Variants in DGKI observed in about 807,000 individuals in gnomAD.
DGKI encodes the protein diacylglycerol kinase iota, also known as DAG kinase iota.
A neutral mutation model predicts 147.5 loss-of-function variants in DGKI; 55 were observed. That is an observed-to-expected ratio of 0.37 (90% CI 0.30 to 0.47). The LOEUF (loss-of-function observed/expected upper bound fraction) is 0.47, where lower values mean the gene tolerates loss of function less well. Among genes scored for constraint, DGKI ranks in the 20% least tolerant of loss-of-function variants. The pLI is 1.00. For missense variants in DGKI, 1,007 were observed against 1,323.8 expected (o/e 0.76, Z 3.71); for synonymous variants, 469 against 477.1 (o/e 0.98, Z 0.22).
intron 28 of DGKI, among the ~76,000 whole-genome samples, chr7:137,427,772 C>T (rs1036303315): frequency 2.6e-5 from 4 of 152,190 alleles, no homozygotes; most frequent in African/African-American, 7.2e-5. Flanking sequence ...ACTACAAACA[C>T]CTCTACGCAA....
chr7:137,440,917 T>C (rs923460329), intron 28 of DGKI, among the ~76,000 whole-genome samples: 2 of 152,192 alleles, frequency 1.3e-5, no homozygotes, highest in African/African-American at 4.8e-5. Context: ...AAATGGTGTA[T>C]TAAACATTTT....
chr7:137,667,789 C>T (rs927257854), intron 3 of DGKI, among the ~76,000 whole-genome samples: 2 of 152,188 alleles, frequency 1.3e-5, no homozygotes, highest in East Asian at 3.8e-4. Flanking sequence ...GGAAGACCCA[C>T]AGACATCTCA....
chr7:137,558,964 C>T (rs1818318257), intron 19 of DGKI, among the ~76,000 whole-genome samples: 1 of 144,588 alleles, frequency 6.9e-6, no homozygotes, highest in Non-Finnish European at 1.5e-5. Context: ...AAAAATAATT[C>T]GATAAATTCA....
At chr7:137,841,518 A>C (rs544638606) in intron 1 of DGKI, among the ~76,000 whole-genome samples, 2 of 152,350 alleles carry the variant, frequency 1.3e-5, no homozygotes, top group East Asian at 3.9e-4. Context: ...CTACTGTCCC[A>C]AAACTAGTTA....
intron 21 of DGKI, among the ~76,000 whole-genome samples, chr7:137,509,960 A>T (rs1816522358): frequency 6.6e-6 from 1 of 152,186 alleles, no homozygotes; most frequent in Non-Finnish European, 1.5e-5. Context: ...AGAAAAAAAA[A>T]GGAGATGTTA....
chr7:137,636,128 G>A lies in DGKI; in HGVS notation c.804+9344C>T, dbSNP rs3778790. Among the ~76,000 whole-genome samples, 40 of 152,270 alleles carry A rather than the reference G, an allele frequency of 2.6e-4. No homozygotes were observed. In the East Asian group the frequency reaches 6.0e-3, roughly 23 times the overall value. ...AATACATCTGGTAACCAGGAAATCC[G>A]CTGGGACAGGCTTTGTAATGCTATG... On this transcript the variant is annotated intron_variant, in intron 6 of 32. Transcript: ENST00000614521.
intron 1 of DGKI, among the ~76,000 whole-genome samples, chr7:137,807,378 A>T (rs1797413554): frequency 6.6e-6 from 1 of 152,248 alleles, no homozygotes; most frequent in Admixed American, 6.5e-5. Context: ...AATGACATCT[A>T]GGTACATTTG....
intron 8 of DGKI, among the ~76,000 whole-genome samples, chr7:137,618,610 G>A (rs1488422884): frequency 6.6e-6 from 1 of 151,632 alleles, no homozygotes; most frequent in East Asian, 1.9e-4. Context: ...TAAAGCCTTG[G>A]AGAGATTACC....
chr7:137,566,015 A>AT (rs5887844), intron 19 of DGKI, among the ~76,000 whole-genome samples: 18,074 of 152,090 alleles, frequency 0.12, 2,497 homozygotes, highest in African/African-American at 0.33. Context: ...TGAATTTTCA[A>AT]TTTTTTGGAT....
intron 22 of DGKI, among the ~76,000 whole-genome samples, chr7:137,486,124 C>T (rs930067451): frequency 2.0e-5 from 3 of 152,116 alleles, no homozygotes; most frequent in African/African-American, 4.8e-5. Context: ...TGTCCTTACA[C>T]CTGTTTCCCA....
At chr7:137,589,339 A>G (rs1208340114) in intron 12 of DGKI, among the ~76,000 whole-genome samples, 1 of 152,240 alleles carries the variant, frequency 6.6e-6, no homozygotes, top group African/African-American at 2.4e-5. Context: ...AATTGTGTTC[A>G]TCTTCTAAAA....
rs1301022434 is a variant in DGKI, at chr7:137,619,920, G to A, written c.897C>T (p.Cys299=). The A allele has an allele frequency of 1.2e-6, 2 of 1,612,734 alleles. No homozygotes were observed. The highest frequency in any genetic ancestry group is 3.3e-5 in the Admixed American group (2 of 59,922). ...CKQAFHNKVT[C]FMLHHIEEPC... ...GTTCTTCAATGTGATGCAGCATGAAGCAGGTCACCTTATTGTGAAACTGAA... is the reference window on the plus strand; with the variant it reads ...GTTCTTCAATGTGATGCAGCATGAAACAGGTCACCTTATTGTGAAACTGAA... The change falls in exon 8 of 33, where the codon TGC becomes TGT. Residue 299 remains cysteine, a synonymous_variant. Transcript: ENST00000614521.
At chr7:137,515,866 G>A (rs1282360532) in intron 21 of DGKI, among the ~76,000 whole-genome samples, 1 of 151,964 alleles carries the variant, frequency 6.6e-6, no homozygotes, top group Non-Finnish European at 1.5e-5. Context: ...ATAAATATAA[G>A]AGACAGACAA....
intron 1 of DGKI, among the ~76,000 whole-genome samples, chr7:137,822,430 T>C (rs992945048): frequency 3.3e-5 from 5 of 151,994 alleles, no homozygotes; most frequent in African/African-American, 2.4e-5. Context: ...ATTATTATTA[T>C]TATTCAGCCT....
intron 12 of DGKI, among the ~76,000 whole-genome samples, chr7:137,594,774 CA>C (rs373794485): frequency 6.6e-6 from 1 of 151,876 alleles, no homozygotes; most frequent in Non-Finnish European, 1.5e-5. Context: ...ACTAACAAAA[CA>C]AAAAAAATCA....
chr7:137,675,826 A>T (rs1457051903), intron 3 of DGKI, among the ~76,000 whole-genome samples: 1 of 152,116 alleles, frequency 6.6e-6, no homozygotes, highest in Non-Finnish European at 1.5e-5. Flanking sequence ...ATAAAGTTAG[A>T]GTCAGTGGAT....
chr7:137,449,919 T>C (rs1184801425), intron 27 of DGKI, among the ~76,000 whole-genome samples: 1 of 152,144 alleles, frequency 6.6e-6, no homozygotes, highest in Non-Finnish European at 1.5e-5. Flanking sequence ...AAAGAAAATG[T>C]GGTATATATA....
chr7:137,813,301 T>C (rs1283487280), intron 1 of DGKI, among the ~76,000 whole-genome samples: 1 of 152,194 alleles, frequency 6.6e-6, no homozygotes, highest in Admixed American at 6.5e-5. Context: ...ACTTGGCCTC[T>C]GATTTCTTGT....
At chr7:137,487,484 G>T in intron 22 of DGKI, 126 bp downstream of exon 22, 1 of 846,600 alleles carries the variant, frequency 1.2e-6, no homozygotes, top group Non-Finnish European at 2.0e-6. Context: ...TATGCTTGAA[G>T]GACAAAGCCA....
Sources: allele counts gnomAD v4.1 joint callset (sites outside exome capture counted in the v4.1 genomes callset), GRCh38; gene constraint gnomAD v4.1.1; transcripts MANE v1.5; gene names NCBI Gene and HGNC (gene_info 2026-07-23, HGNC 2026-07-21).